The following KLHL1 variants were observed in gnomAD, a reference collection of about 807,000 sequenced individuals.
KLHL1 encodes kelch-like protein 1.
Under a neutral mutation model 77.7 loss-of-function variants are expected in KLHL1, and 47 were observed. That is an observed-to-expected ratio of 0.60 (90% confidence interval 0.48 to 0.77). The LOEUF (loss-of-function observed/expected upper bound fraction) is 0.77, where lower values mean the gene tolerates loss of function less well. Among genes scored for constraint, KLHL1 ranks in the 30% least tolerant of loss-of-function variants. KLHL1 has a pLI of 0.00. For synonymous variants in KLHL1, 360 were observed against 325.2 expected (o/e 1.11, Z -1.15); for missense variants, 925 against 910.8 (o/e 1.02, Z -0.20).
intron 7 of KLHL1, among the ~76,000 whole-genome samples, chr13:69,788,177 T>C (rs1380001254): frequency 2.0e-5 from 3 of 152,202 alleles, no homozygotes; most frequent in East Asian, 3.9e-4. Context: ...ACCCAAAGGA[T>C]TATAAATCAT....
At chr13:69,724,441 T>G (rs1873208346) in intron 8 of KLHL1, among the ~76,000 whole-genome samples, 1 of 152,054 alleles carries the variant, frequency 6.6e-6, no homozygotes, top group Admixed American at 6.6e-5. Context: ...TAATACTAAT[T>G]CTTCTCAAAT....
chr13:69,865,306 G>A (rs1593900117), intron 5 of KLHL1, among the ~76,000 whole-genome samples: 1 of 152,126 alleles, frequency 6.6e-6, no homozygotes, highest in African/African-American at 2.4e-5. Flanking sequence ...GAGGGCCAGA[G>A]CATGGAAGTA....
chr13:69,912,104 C>T (rs1367832757), intron 4 of KLHL1, among the ~76,000 whole-genome samples: 1 of 152,054 alleles, frequency 6.6e-6, no homozygotes, highest in Non-Finnish European at 1.5e-5. Flanking sequence ...AATGGAACCT[C>T]AGAAAAATGA....
At chr13:69,778,245 T>A (rs1394621951) in intron 7 of KLHL1, among the ~76,000 whole-genome samples, 1 of 152,072 alleles carries the variant, frequency 6.6e-6, no homozygotes, top group Non-Finnish European at 1.5e-5. Flanking sequence ...ATCTACGATG[T>A]CCTTGGGCTA....
At chr13:69,822,896 G>C (rs1878393746) in intron 6 of KLHL1, among the ~76,000 whole-genome samples, 1 of 152,090 alleles carries the variant, frequency 6.6e-6, no homozygotes, top group South Asian at 2.1e-4. Flanking sequence ...AATATAGTGG[G>C]TTTAAAATAT....
At chr13:69,981,295 A>C (rs1024527579) in intron 1 of KLHL1, among the ~76,000 whole-genome samples, 1 of 152,176 alleles carries the variant, frequency 6.6e-6, no homozygotes, top group Non-Finnish European at 1.5e-5. Context: ...ATTAATTGCA[A>C]ACAAGAATTT....
At chr13:69,929,385 A>T (rs1332161367) in intron 4 of KLHL1, among the ~76,000 whole-genome samples, 3 of 152,024 alleles carry the variant, frequency 2.0e-5, no homozygotes, top group African/African-American at 7.2e-5. Context: ...TAAATAATTG[A>T]GGTAAAAATA....
At chr13:70,090,829 A>G (rs762523921) in intron 1 of KLHL1, among the ~76,000 whole-genome samples, 1 of 152,138 alleles carries the variant, frequency 6.6e-6, no homozygotes, top group Admixed American at 6.6e-5. Context: ...GCTTGTGACA[A>G]CTTTCTATTA....
chr13:69,763,775 T>C (rs907368234), intron 7 of KLHL1, among the ~76,000 whole-genome samples: 2 of 152,192 alleles, frequency 1.3e-5, no homozygotes. Context: ...ATGGAGTCAC[T>C]AGTGCTAAAT....
Position 70,047,535 on chromosome 13 carries a change from T to C in KLHL1, c.497+59668A>G, listed in dbSNP as rs1008169401. Among the ~76,000 whole-genome samples, 24 of 152,188 alleles carry C rather than the reference T, an allele frequency of 1.6e-4. No individual in the cohort carries two copies. In the East Asian group the frequency reaches 3.9e-3, roughly 25 times the overall value. ...TACCCCACTCACTGTTTCTCAATAATAATGTAGACAACCCATTCCTTGAGA... is the reference window on the plus strand; with the variant it reads ...TACCCCACTCACTGTTTCTCAATAACAATGTAGACAACCCATTCCTTGAGA... On this transcript the variant is annotated intron_variant, in intron 1 of 10. Coordinates refer to ENST00000377844, the MANE Select transcript of KLHL1 (RefSeq NM_020866.3).
chr13:69,913,019 G>A (rs1307669353), intron 4 of KLHL1, among the ~76,000 whole-genome samples: 1 of 152,124 alleles, frequency 6.6e-6, no homozygotes, highest in Non-Finnish European at 1.5e-5. Context: ...AACAAGCAAG[G>A]CTTCTGACAT....
intron 7 of KLHL1, among the ~76,000 whole-genome samples, chr13:69,757,816 G>C (rs1275810127): frequency 6.6e-6 from 1 of 151,834 alleles, no homozygotes; most frequent in East Asian, 1.9e-4. Flanking sequence ...AATTAGCTTG[G>C]CGTGGTGGCA....
chr13:69,960,727 G>A (rs1403189322), intron 3 of KLHL1, among the ~76,000 whole-genome samples: 1 of 151,830 alleles, frequency 6.6e-6, no homozygotes, highest in East Asian at 1.9e-4. Flanking sequence ...TTCAACAAAT[G>A]TTTGCTATAA....
At chr13:69,894,972 G>A in intron 4 of KLHL1, 1 of 488,368 alleles carries the variant, frequency 2.0e-6, no homozygotes, top group South Asian at 1.5e-5. Flanking sequence ...GAATGCTGAT[G>A]TAGTGTTCTG....
At chr13:70,075,628 G>GTT (rs1887249696) in intron 1 of KLHL1, among the ~76,000 whole-genome samples, 1 of 59,662 alleles carries the variant, frequency 1.7e-5, no homozygotes, top group African/African-American at 5.8e-5. Flanking sequence ...ATATATATAT[G>GTT]TATATATATA....
At chr13:69,955,685 T>C (rs1883844251) in intron 3 of KLHL1, among the ~76,000 whole-genome samples, 1 of 150,822 alleles carries the variant, frequency 6.6e-6, no homozygotes, top group African/African-American at 2.4e-5. Flanking sequence ...AGAGCAACTT[T>C]AAAATATAGT....
intron 5 of KLHL1, among the ~76,000 whole-genome samples, chr13:69,869,332 ATTAAT>A (rs975816789): frequency 4.4e-4 from 67 of 152,080 alleles, no homozygotes; most frequent in Admixed American, 2.0e-4. Flanking sequence ...TGTAGAAAAT[ATTAAT>A]TTAATATGTG....
At chr13:69,946,925 C>A (rs1883544107) in intron 3 of KLHL1, among the ~76,000 whole-genome samples, 1 of 151,442 alleles carries the variant, frequency 6.6e-6, no homozygotes, top group Non-Finnish European at 1.5e-5. Context: ...TCATTACTTT[C>A]AATGGGAAAA....
At chr13:70,015,973 A>T (rs1231060643) in intron 1 of KLHL1, among the ~76,000 whole-genome samples, 1 of 152,210 alleles carries the variant, frequency 6.6e-6, no homozygotes, top group African/African-American at 2.4e-5. Context: ...CTTAAGTTTT[A>T]AATTATTTTA....
Sources: gnomAD v4.1 joint callset for allele counts (sites outside exome capture counted in the v4.1 genomes callset) on GRCh38, gnomAD v4.1.1 for gene constraint, MANE v1.5 for transcripts, NCBI Gene and HGNC (gene_info 2026-07-23, HGNC 2026-07-21) for gene names.